The following MAF variants were observed in gnomAD, a reference collection of about 807,000 sequenced individuals.
The protein encoded by MAF is transcription factor Maf.
A neutral mutation model predicts 22.0 loss-of-function variants in MAF; 10 were observed. The ratio of observed to expected loss-of-function variants is 0.45; its 90% CI spans 0.28 to 0.77. The LOEUF (loss-of-function observed/expected upper bound fraction) is 0.77. MAF is among the 30% of genes least tolerant of loss of function. The pLI, the probability that MAF is intolerant of heterozygous loss-of-function variation, is 0.12. For synonymous variants in MAF, 337 were observed against 255.8 expected (o/e 1.32, Z -3.03); for missense variants, 544 against 548.4 (o/e 0.99, Z 0.08).
At chr16:79,243,523 T>C in the MAF span, among the ~76,000 whole-genome samples, 1 of 151,970 alleles carries the variant, frequency 6.6e-6, no homozygotes, top group African/African-American at 2.4e-5. Context: ...CTGGAAGAAG[T>C]AGAATCCCTG....
chr16:79,381,448 C>T, the MAF span, among the ~76,000 whole-genome samples: 2 of 152,254 alleles, frequency 1.3e-5, no homozygotes, highest in East Asian at 3.9e-4. Context: ...GAAGAAAAAA[C>T]GAACTCTAGA....
chr16:79,549,993 G>A, the MAF span, among the ~76,000 whole-genome samples: 19 of 152,184 alleles, frequency 1.2e-4, no homozygotes, highest in African/African-American at 3.6e-4. Context: ...CTTGGTGGCA[G>A]TATAAACTGA....
the MAF span, among the ~76,000 whole-genome samples, chr16:79,534,028 C>T: frequency 6.6e-6 from 1 of 152,178 alleles, no homozygotes; most frequent in African/African-American, 2.4e-5. Flanking sequence ...ACTACAAGCT[C>T]ATCTTACAAG....
the MAF span, among the ~76,000 whole-genome samples, chr16:79,558,847 A>C: frequency 6.6e-6 from 1 of 152,184 alleles, no homozygotes; most frequent in Non-Finnish European, 1.5e-5. Flanking sequence ...GGGGCTCCTG[A>C]TTCTTTGGAA....
At chr16:79,480,305 T>A in the MAF span, among the ~76,000 whole-genome samples, 1 of 150,434 alleles carries the variant, frequency 6.6e-6, no homozygotes, top group Non-Finnish European at 1.5e-5. Flanking sequence ...CAGGCAGAAT[T>A]CTCAGCTGAG....
chr16:79,210,382 A>G, the MAF span, among the ~76,000 whole-genome samples: 1 of 152,208 alleles, frequency 6.6e-6, no homozygotes, highest in Non-Finnish European at 1.5e-5. Context: ...AAACCAGACC[A>G]TTTGAGGGAA....
the MAF span, among the ~76,000 whole-genome samples, chr16:79,435,067 A>C: frequency 6.6e-6 from 1 of 152,206 alleles, no homozygotes; most frequent in Non-Finnish European, 1.5e-5. Context: ...CATCCCATCA[A>C]CGAAGACTCT....
At chr16:79,234,550 TTCA>T in the MAF span, among the ~76,000 whole-genome samples, 1 of 152,182 alleles carries the variant, frequency 6.6e-6, no homozygotes, top group South Asian at 2.1e-4. Context: ...CTGAGTTAGA[TTCA>T]TCTATAAAAG....
chr16:79,525,845 T>C, the MAF span, among the ~76,000 whole-genome samples: 2 of 152,154 alleles, frequency 1.3e-5, no homozygotes, highest in Admixed American at 6.5e-5. Flanking sequence ...AAGAGTGCAA[T>C]GTACCAAGAA....
the MAF span, among the ~76,000 whole-genome samples, chr16:79,528,754 C>G: frequency 2.0e-5 from 3 of 152,084 alleles, no homozygotes; most frequent in African/African-American, 7.2e-5. Flanking sequence ...ATGCACTTCT[C>G]ACAGAGTAAT....
chr16:79,255,814 G>A, the MAF span, among the ~76,000 whole-genome samples: 3 of 152,172 alleles, frequency 2.0e-5, no homozygotes, highest in Admixed American at 1.3e-4. Context: ...CCTCATCTGT[G>A]AGTGGGGATA....
At chr16:79,454,119 C>T in the MAF span, among the ~76,000 whole-genome samples, 3 of 152,118 alleles carry the variant, frequency 2.0e-5, no homozygotes, top group Non-Finnish European at 2.9e-5. Flanking sequence ...TTCTATGATT[C>T]GTTCCCATTT....
the MAF span, among the ~76,000 whole-genome samples, chr16:79,475,145 G>C: frequency 2.0e-5 from 3 of 152,082 alleles, no homozygotes; most frequent in Non-Finnish European, 4.4e-5. Context: ...TGCCTTTGTG[G>C]CATCTCATAA....
At chr16:79,344,020 T>C in the MAF span, among the ~76,000 whole-genome samples, 3 of 152,218 alleles carry the variant, frequency 2.0e-5, no homozygotes, top group African/African-American at 7.2e-5. Flanking sequence ...CATTTGCTCA[T>C]CACAGAAGTA....
chr16:79,595,383 TAA>T, intron 1 of MAF: 1 of 1,051,980 alleles, frequency 9.5e-7, no homozygotes. Context: ...TTCTTAAAAA[TAA>T]GTCTTTCAGT....
At chr16:79,506,561 T>C in the MAF span, among the ~76,000 whole-genome samples, 1 of 152,058 alleles carries the variant, frequency 6.6e-6, no homozygotes, top group African/African-American at 2.4e-5. Context: ...GGCTGGTAGA[T>C]AAAAAGGAAG....
the MAF span, among the ~76,000 whole-genome samples, chr16:79,207,049 G>C: frequency 2.0e-5 from 3 of 152,190 alleles, no homozygotes; most frequent in Non-Finnish European, 4.4e-5. Flanking sequence ...TGTTCTGGGA[G>C]AGTGGTTATA....
chr16:79,342,896 C>T, the MAF span, among the ~76,000 whole-genome samples: 6 of 152,120 alleles, frequency 3.9e-5, no homozygotes, highest in African/African-American at 7.2e-5. Flanking sequence ...GCCTCCAAAG[C>T]GTTCGTTCTT....
the MAF span, among the ~76,000 whole-genome samples, chr16:79,376,436 G>T: frequency 2.0e-5 from 3 of 152,046 alleles, no homozygotes; most frequent in African/African-American, 7.2e-5. Flanking sequence ...TCCACCCCTA[G>T]ATATAAGCCC....
Sources: allele counts gnomAD v4.1 joint callset (sites outside exome capture counted in the v4.1 genomes callset), GRCh38; gene constraint gnomAD v4.1.1; transcripts MANE v1.5; gene names NCBI Gene and HGNC (gene_info 2026-07-23, HGNC 2026-07-21).